PDE4B: variants seen among roughly 807,000 people sequenced by gnomAD.
The protein encoded by PDE4B is 3',5'-cyclic-AMP phosphodiesterase 4B.
PDE4B carries 20 observed loss-of-function variants against 82.2 expected under a neutral mutation model. That is an observed-to-expected ratio of 0.24 (90% confidence interval 0.17 to 0.35). The LOEUF is 0.35. Ranked by LOEUF, PDE4B falls within the 10% of genes least tolerant of loss-of-function variation. The pLI is 1.00. For synonymous variants in PDE4B, 320 were observed against 318.9 expected, an observed-to-expected ratio of 1.00 and a Z score of -0.04; for missense variants, 655 against 907.2, an observed-to-expected ratio of 0.72 and a Z score of 3.57.
chr1:65,847,726 G>A (rs1646283085), intron 1 of PDE4B, among the ~76,000 whole-genome samples: 1 of 152,134 alleles, frequency 6.6e-6, no homozygotes, highest in African/African-American at 2.4e-5. Flanking sequence ...AGAAGCAGAA[G>A]GTATTAAGGG....
At chr1:65,958,852 C>A (rs907192997) in intron 3 of PDE4B, among the ~76,000 whole-genome samples, 1 of 152,110 alleles carries the variant, frequency 6.6e-6, no homozygotes, top group Non-Finnish European at 1.5e-5. Context: ...CAGTAATCTG[C>A]AGTTTTGTAT....
chr1:65,994,207 T>A (rs2100686108), intron 3 of PDE4B, among the ~76,000 whole-genome samples: 1 of 152,336 alleles, frequency 6.6e-6, no homozygotes, highest in East Asian at 1.9e-4. Context: ...TGAATTATTT[T>A]CTACTTATCT....
intron 3 of PDE4B, among the ~76,000 whole-genome samples, chr1:66,181,009 G>A (rs1647052714): frequency 6.6e-6 from 1 of 152,120 alleles, no homozygotes; most frequent in Non-Finnish European, 1.5e-5. Context: ...AGTAATTCAA[G>A]GACATGTCTC....
chr1:65,960,428 G>A (rs566168689), intron 3 of PDE4B, among the ~76,000 whole-genome samples: 6 of 152,212 alleles, frequency 3.9e-5, no homozygotes, highest in African/African-American at 7.2e-5. Context: ...GTCTGTGATT[G>A]CTGAGGTTGA....
At chr1:66,117,638 A>G (rs986075904) in intron 3 of PDE4B, among the ~76,000 whole-genome samples, 3 of 152,134 alleles carry the variant, frequency 2.0e-5, no homozygotes, top group Non-Finnish European at 4.4e-5. Context: ...AGCTTTATCC[A>G]TAGTGAGTAC....
At chr1:66,321,736 G>A (rs536317104) in intron 7 of PDE4B, among the ~76,000 whole-genome samples, 1 of 152,266 alleles carries the variant, frequency 6.6e-6, no homozygotes, top group East Asian at 1.9e-4. Context: ...TCGTGAACAT[G>A]GCCATACTGC....
At position 65,911,715 on chromosome 1, in the gene PDE4B, G is replaced by A. The variant is rs549591387; in HGVS notation, c.-70-1530G>A. On this transcript the variant is annotated intron_variant, in intron 1 of 16. Coordinates refer to ENST00000341517, the MANE Select transcript of PDE4B (RefSeq NM_002600.4). ...TTCTAATCATTCTTTGGTGTATGCCGAGGAAATTCTTGTCCTTTGCATATT... is the reference window on the plus strand; with the variant it reads ...TTCTAATCATTCTTTGGTGTATGCCAAGGAAATTCTTGTCCTTTGCATATT... Among the ~76,000 whole-genome samples the A allele has an allele frequency of 1.2e-4, 19 of 152,170 alleles. No homozygotes were observed. In the South Asian group the frequency reaches 3.7e-3, roughly 30 times the overall value.
intron 3 of PDE4B, among the ~76,000 whole-genome samples, chr1:65,949,881 G>A (rs919573300): frequency 1.3e-5 from 2 of 151,818 alleles, no homozygotes; most frequent in African/African-American, 4.8e-5. Flanking sequence ...TAACTGTGTC[G>A]ATACAGATAT....
At chr1:66,368,762 G>A in intron 15 of PDE4B, 25 bp from the exon 16 acceptor site, 1 of 1,487,016 alleles carries the variant, frequency 6.7e-7, no homozygotes, top group South Asian at 1.4e-5. Context: ...AATTTTATGA[G>A]ATTTCCAAAA....
chr1:65,932,230 T>C (rs1251579775), intron 3 of PDE4B, among the ~76,000 whole-genome samples: 1 of 151,108 alleles, frequency 6.6e-6, no homozygotes, highest in African/African-American at 2.4e-5. Context: ...ACAAGCTCAG[T>C]GTAGGGTGAA....
At chr1:66,351,309 C>T (rs2101989862) in intron 8 of PDE4B, among the ~76,000 whole-genome samples, 1 of 152,320 alleles carries the variant, frequency 6.6e-6, no homozygotes, top group East Asian at 1.9e-4. Flanking sequence ...ACACATTTAT[C>T]TTTAAAATAA....
At chr1:66,207,025 A>G (rs550955700) in intron 3 of PDE4B, among the ~76,000 whole-genome samples, 78 of 152,308 alleles carry the variant, frequency 5.1e-4, no homozygotes, top group African/African-American at 1.7e-3. Flanking sequence ...AAGATTACCA[A>G]ATCTTGTACT....
chr1:66,372,218 T>G, intron 16 of PDE4B, 95 bp from the exon 17 acceptor site: 1 of 1,265,318 alleles, frequency 7.9e-7, no homozygotes, highest in Non-Finnish European at 1.1e-6. Flanking sequence ...CTTTCTGAAG[T>G]TATTAATGTT....
At chr1:66,008,319 C>T (rs1652271232) in intron 3 of PDE4B, among the ~76,000 whole-genome samples, 1 of 152,124 alleles carries the variant, frequency 6.6e-6, no homozygotes, top group African/African-American at 2.4e-5. Context: ...ACCATTCATT[C>T]ACTCATTCAT....
chr1:66,254,038 C>T (rs1653995078), intron 4 of PDE4B, among the ~76,000 whole-genome samples: 1 of 152,132 alleles, frequency 6.6e-6, no homozygotes, highest in South Asian at 2.1e-4. Flanking sequence ...GCTCAAGGTA[C>T]CACCTATGCA....
At chr1:65,868,468 A>G (rs371227442) in intron 1 of PDE4B, among the ~76,000 whole-genome samples, 1 of 152,198 alleles carries the variant, frequency 6.6e-6, no homozygotes, top group South Asian at 2.1e-4. Context: ...TACTGAGTTG[A>G]GTTGACGTTT....
intron 3 of PDE4B, among the ~76,000 whole-genome samples, chr1:66,127,256 G>C (rs1645843671): frequency 6.6e-6 from 1 of 152,098 alleles, no homozygotes; most frequent in Admixed American, 6.6e-5. Flanking sequence ...AACAATAGGG[G>C]AGCTGGCTGA....
At chr1:66,071,282 T>C (rs752144479) in intron 3 of PDE4B, among the ~76,000 whole-genome samples, 6 of 152,104 alleles carry the variant, frequency 3.9e-5, no homozygotes, top group Non-Finnish European at 7.4e-5. Flanking sequence ...TATATAAACA[T>C]GAAGGAGTTA....
chr1:66,078,051 A>T (rs533077270), intron 3 of PDE4B, among the ~76,000 whole-genome samples: 89 of 152,280 alleles, frequency 5.8e-4, no homozygotes, highest in Middle Eastern at 6.8e-3. Context: ...CACTGAGAAC[A>T]GTTGGTTCTT....
Sources: allele counts gnomAD v4.1 joint callset (sites outside exome capture counted in the v4.1 genomes callset), GRCh38; gene constraint gnomAD v4.1.1; transcripts MANE v1.5; gene names NCBI Gene and HGNC (gene_info 2026-07-23, HGNC 2026-07-21).